MACIR: variants seen among roughly 807,000 people sequenced by gnomAD.
MACIR encodes macrophage immunometabolism regulator, also known as UNC119-binding protein C5orf30.
MACIR carries 4 observed loss-of-function variants against 14.3 expected under a neutral mutation model. That is an observed-to-expected ratio of 0.28 (90% CI 0.14 to 0.64). The LOEUF (loss-of-function observed/expected upper bound fraction) is 0.64. MACIR is among the 30% of genes least tolerant of loss of function. The probability of loss-of-function intolerance (pLI) is 0.83; values close to 1 mark genes in which losing one functional copy is unlikely to be tolerated. For synonymous variants in MACIR, 101 were observed against 102.4 expected (o/e 0.99, Z 0.08); for missense variants, 228 against 257.6 (o/e 0.89, Z 0.79).
At chr5:103,273,305 T>G (rs139487614) in intron 2 of MACIR, among the ~76,000 whole-genome samples, 1 of 152,256 alleles carries the variant, frequency 6.6e-6, no homozygotes, top group East Asian at 1.9e-4. Context: ...CAGGTTGATG[T>G]GTGAAGATCC....
intron 2 of MACIR, among the ~76,000 whole-genome samples, chr5:103,267,213 T>C (rs1804958596): frequency 1.3e-5 from 2 of 152,134 alleles, no homozygotes; most frequent in Admixed American, 1.3e-4. Flanking sequence ...GATACGTAAG[T>C]CTCTGATACA....
At chr5:103,261,678 CTTTCTTTCT>C (rs1562545753) in intron 1 of MACIR, among the ~76,000 whole-genome samples, 1 of 125,222 alleles carries the variant, frequency 8.0e-6, no homozygotes, top group Non-Finnish European at 1.7e-5. Flanking sequence ...TTCTTTCTTT[CTTTCTTTCT>C]TTCTTTCTTT....
chr5:103,261,591 G>T (rs39984), intron 1 of MACIR, among the ~76,000 whole-genome samples: 44,379 of 150,510 alleles, frequency 0.29, 6,553 homozygotes, highest in Non-Finnish European at 0.32. Context: ...TTTTCCATTA[G>T]TGGTCTCTTC....
intron 2 of MACIR, among the ~76,000 whole-genome samples, chr5:103,269,996 A>G (rs1292134125): frequency 6.6e-6 from 1 of 152,192 alleles, no homozygotes; most frequent in Admixed American, 6.5e-5. Flanking sequence ...ATTTGAGGTC[A>G]AAGAATGGCA....
intron 1 of MACIR, among the ~76,000 whole-genome samples, chr5:103,260,327 C>G (rs1387431972): frequency 1.3e-5 from 2 of 151,664 alleles, no homozygotes; most frequent in African/African-American, 2.4e-5. Flanking sequence ...TAGAAATGAC[C>G]CTTTTGCAAA....
chr5:103,277,406 A>C lies in MACIR; in HGVS notation c.*866A>C, dbSNP rs1212334557. 6.0e-6 allele frequency: 1 copy of C among 167,046 alleles called. No individual in the cohort carries two copies. Among genetic ancestry groups the C allele is most frequent in the East Asian group, 1.9e-4 (1 of 5,200 alleles). 10.3% of individuals were successfully genotyped at this position (167,046 alleles called of 1,614,324 possible). The stretch of plus-strand genomic sequence containing the variant: ...CTTTTAATTGTGGATTATAGGCATA[A>C]TACTGTTTGCATCTGAATTTTCTGT... On this transcript the variant is annotated 3_prime_UTR_variant, in exon 3 of 3. Transcript: ENST00000319933.
intron 1 of MACIR, among the ~76,000 whole-genome samples, chr5:103,261,969 A>G (rs1804746066): frequency 6.6e-6 from 1 of 151,526 alleles, no homozygotes; most frequent in Non-Finnish European, 1.5e-5. Context: ...ATGTTGTTAA[A>G]TTTTTTCTTA....
intron 1 of MACIR, among the ~76,000 whole-genome samples, chr5:103,263,937 G>A (rs1158358539): frequency 6.6e-6 from 1 of 152,054 alleles, no homozygotes; most frequent in Non-Finnish European, 1.5e-5. Context: ...GATTCAGAAG[G>A]ATTTTGTATA....
intron 1 of MACIR, among the ~76,000 whole-genome samples, chr5:103,262,122 G>A (rs1344083756): frequency 6.6e-6 from 1 of 152,074 alleles, no homozygotes; most frequent in Non-Finnish European, 1.5e-5. Context: ...GGTTCCTAGT[G>A]CCATTCAGGT....
rs1554237906 is a variant in MACIR at position 103,277,519 on chromosome 5, T to C, written c.*979T>C. On this transcript the variant is annotated 3_prime_UTR_variant, in exon 3 of 3. Transcript: ENST00000319933. Reference sequence around the variant, plus strand: ...TGAAGTGATACCATTCAGCATGGCATCAGGTCATTGCAGTTTTAGTTCTGT... The same window carrying C: ...TGAAGTGATACCATTCAGCATGGCACCAGGTCATTGCAGTTTTAGTTCTGT... 1 of 167,090 alleles carries C rather than the reference T, an allele frequency of 6.0e-6. No homozygotes were observed. Among genetic ancestry groups the C allele is most frequent in the African/African-American group, 2.4e-5 (1 of 41,466 alleles). 10.4% of individuals were successfully genotyped at this position (167,090 alleles called of 1,614,324 possible). A position where few individuals can be genotyped will look rare whatever the true frequency, so the allele number is the denominator to read the frequency against.
At position 103,277,269 on chromosome 5, in the gene MACIR, G is replaced by C. The variant is rs1431209151; in HGVS notation, c.*729G>C. 2.4e-5 allele frequency: 4 copies of C among 166,732 alleles called. No homozygotes were observed. Among genetic ancestry groups the C allele is most frequent in the African/African-American group, 9.7e-5 (4 of 41,308 alleles). 10.3% of individuals were successfully genotyped at this position (166,732 alleles called of 1,614,324 possible). A position where few individuals can be genotyped will look rare whatever the true frequency, so the allele number is the denominator to read the frequency against. On this transcript the variant is annotated 3_prime_UTR_variant, in exon 3 of 3. Coordinates refer to ENST00000319933, the MANE Select transcript of MACIR (RefSeq NM_033211.4). ...ATTTATTTTACAATGGGTGGGCGGG[G>C]GAAACTTTTCCAGAAAGTTTCCAAT...
At position 103,264,443 on chromosome 5, in the gene MACIR, A is replaced by G. The variant is rs1191197504; in HGVS notation, c.-113-1465A>G. Among the ~76,000 whole-genome samples the G allele has an allele frequency of 2.0e-5, 3 of 152,286 alleles. No individual in the cohort carries two copies. The East Asian group carries it at 5.8e-4, about 29-fold the overall frequency. On this transcript the variant is annotated intron_variant, in intron 1 of 2. Transcript: ENST00000319933. ...TTTCCCATTAAAAATCCATTAAATA[A>G]GAAATGCAGATGAATGTTATTAGTA...
At chr5:103,270,900 G>T (rs1394713089) in intron 2 of MACIR, among the ~76,000 whole-genome samples, 1 of 152,000 alleles carries the variant, frequency 6.6e-6, no homozygotes, top group Non-Finnish European at 1.5e-5. Flanking sequence ...GAATTACATT[G>T]TACCCTACCT....
At chr5:103,272,803 G>A (rs1469300295) in intron 2 of MACIR, among the ~76,000 whole-genome samples, 1 of 152,158 alleles carries the variant, frequency 6.6e-6, no homozygotes, top group African/African-American at 2.4e-5. Flanking sequence ...TGAATATCGA[G>A]ACCTGAAGTT....
At chr5:103,259,757 C>G (rs1804604487) in intron 1 of MACIR, 1 of 152,262 alleles carries the variant, frequency 6.6e-6, no homozygotes, top group Admixed American at 6.5e-5. Flanking sequence ...CATTGCCACC[C>G]TCGCCCCACC....
chr5:103,262,461 A>G (rs550245411), intron 1 of MACIR, among the ~76,000 whole-genome samples: 3 of 152,330 alleles, frequency 2.0e-5, no homozygotes, highest in Non-Finnish European at 4.4e-5. Flanking sequence ...GCTTTCAATA[A>G]TTATGCCAGG....
intron 1 of MACIR, among the ~76,000 whole-genome samples, chr5:103,265,306 C>T (rs373670412): frequency 6.6e-6 from 1 of 152,158 alleles, no homozygotes; most frequent in Admixed American, 6.5e-5. Context: ...TACAATGAGT[C>T]GATACCAAAA....
At chr5:103,266,233 A>C (rs948125324) in intron 2 of MACIR, among the ~76,000 whole-genome samples, 1 of 152,136 alleles carries the variant, frequency 6.6e-6, no homozygotes, top group Admixed American at 6.6e-5. Context: ...ATGTTTGGCT[A>C]AGTTTTCCTT....
In MACIR at chr5:103,275,915, T is replaced by A. The variant is rs1805305412; in HGVS notation, c.-5T>A. ...CTTTTAGGATTGTGCAGACTGGTGC[T>A]TAAAATGGAAGTCGATATTAATGGA... On this transcript the variant is annotated 5_prime_UTR_variant, in exon 3 of 3. Transcript: ENST00000319933. 2 of 1,608,148 alleles carry A rather than the reference T, an allele frequency of 1.2e-6. No homozygotes were observed. The highest frequency in any genetic ancestry group is 1.7e-5 in the Admixed American group (1 of 59,720).
Sources: allele counts gnomAD v4.1 joint callset (sites outside exome capture counted in the v4.1 genomes callset), GRCh38; gene constraint gnomAD v4.1.1; transcripts MANE v1.5; gene names NCBI Gene and HGNC (gene_info 2026-07-23, HGNC 2026-07-21).